The following ZNF536 variants were observed in gnomAD, a reference collection of about 807,000 sequenced individuals.
The protein encoded by ZNF536 is zinc finger protein 536.
A neutral mutation model predicts 84.5 loss-of-function variants in ZNF536; 13 were observed. That is an observed-to-expected ratio of 0.15 (90% CI 0.10 to 0.24). The LOEUF (loss-of-function observed/expected upper bound fraction) is 0.24. ZNF536 is among the 10% of genes least tolerant of loss of function. ZNF536 has a pLI of 1.00. For synonymous variants in ZNF536, 811 were observed against 742.5 expected (o/e 1.09, Z -1.50); for missense variants, 1,536 against 1,747.5 (o/e 0.88, Z 2.16).
chr19:30,448,304 C>T (rs562318917), intron 2 of ZNF536, among the ~76,000 whole-genome samples: 2 of 152,278 alleles, frequency 1.3e-5, no homozygotes, highest in Non-Finnish European at 2.9e-5. Context: ...GACTCTTAAC[C>T]AAATCTGGTT....
At chr19:30,468,232 A>C (rs2053494627) in intron 2 of ZNF536, among the ~76,000 whole-genome samples, 1 of 152,184 alleles carries the variant, frequency 6.6e-6, no homozygotes, top group East Asian at 1.9e-4. Flanking sequence ...TCCCCAACCC[A>C]GCCTAGGTTA....
chr19:30,354,072 C>T (rs1281933341), intron 3 of ZNF536, among the ~76,000 whole-genome samples: 1 of 152,206 alleles, frequency 6.6e-6, no homozygotes, highest in East Asian at 1.9e-4. Context: ...GAACTACCTG[C>T]CCAGGTGCCT....
intron 1 of ZNF536, among the ~76,000 whole-genome samples, chr19:30,694,227 A>G (rs1231678549): frequency 6.6e-6 from 1 of 152,240 alleles, no homozygotes; most frequent in Non-Finnish European, 1.5e-5. Context: ...TCCCACATTT[A>G]AGTTGTACAA....
intron 2 of ZNF536, among the ~76,000 whole-genome samples, chr19:30,315,649 A>G: frequency 6.6e-6 from 1 of 152,210 alleles, no homozygotes; most frequent in East Asian, 1.9e-4. Context: ...TAAGATTCAA[A>G]CAACACAGAT....
At chr19:30,379,451 G>A (rs935687264) in intron 1 of ZNF536, among the ~76,000 whole-genome samples, 1 of 152,006 alleles carries the variant, frequency 6.6e-6, no homozygotes. Context: ...ACCCCAGTGC[G>A]TCATGGGGGT....
intron 2 of ZNF536, among the ~76,000 whole-genome samples, chr19:30,288,915 C>T (rs564218397): frequency 7.2e-4 from 109 of 152,196 alleles, no homozygotes; most frequent in Non-Finnish European, 1.3e-3. Flanking sequence ...GGCTTTTCCT[C>T]TCAGTCTCAT....
intron 2 of ZNF536, among the ~76,000 whole-genome samples, chr19:30,519,379 G>A (rs1459223256): frequency 1.3e-5 from 2 of 152,210 alleles, no homozygotes; most frequent in Non-Finnish European, 2.9e-5. Context: ...GGTGAGGCTG[G>A]GAAGACCAAG....
At chr19:30,311,110 C>T (rs2046488603) in intron 2 of ZNF536, among the ~76,000 whole-genome samples, 1 of 152,178 alleles carries the variant, frequency 6.6e-6, no homozygotes, top group Admixed American at 6.5e-5. Context: ...AGAGTGACCA[C>T]TGGCGCTGCT....
intron 2 of ZNF536, among the ~76,000 whole-genome samples, chr19:30,451,217 G>A (rs950965902): frequency 6.6e-6 from 1 of 152,236 alleles, no homozygotes; most frequent in Non-Finnish European, 1.5e-5. Context: ...CCACCTTTCC[G>A]CTGGGGCCCA....
intron 1 of ZNF536, among the ~76,000 whole-genome samples, chr19:30,602,208 AC>A (rs1344088470): frequency 4.6e-5 from 7 of 152,240 alleles, no homozygotes; most frequent in African/African-American, 1.7e-4. Context: ...ATGTGATGGA[AC>A]ATCTGCTCAT....
intron 2 of ZNF536, among the ~76,000 whole-genome samples, chr19:30,323,870 C>A (rs893294657): frequency 6.6e-6 from 1 of 152,178 alleles, no homozygotes; most frequent in African/African-American, 2.4e-5. Flanking sequence ...TCTGCTCAAC[C>A]ACTCCTGTCT....
At chr19:30,646,527 C>T (rs12974562) in intron 1 of ZNF536, among the ~76,000 whole-genome samples, 49,525 of 152,052 alleles carry the variant, frequency 0.33, 8,188 homozygotes, top group Non-Finnish European at 0.35. Flanking sequence ...ATGAAGCCAT[C>T]GGTGTGTACG....
chr19:30,447,556 T>C (rs1281772954), intron 2 of ZNF536, among the ~76,000 whole-genome samples: 1 of 152,118 alleles, frequency 6.6e-6, no homozygotes, highest in African/African-American at 2.4e-5. Context: ...GCAGCATGAG[T>C]GCCAAGGAGG....
chr19:30,443,439 A>G, intron 1 of ZNF536, 122 bp from the exon 2 acceptor site: 1 of 1,347,052 alleles, frequency 7.4e-7, no homozygotes, highest in Non-Finnish European at 9.7e-7. Context: ...TTTGACAAGA[A>G]TTCCTTAGCA....
chr19:30,386,913 G>A (rs1297756709), intron 1 of ZNF536, among the ~76,000 whole-genome samples: 1 of 152,230 alleles, frequency 6.6e-6, no homozygotes, highest in African/African-American at 2.4e-5. Flanking sequence ...CGCCGGCATG[G>A]ACAGCAGGGG....
At chr19:30,394,874 G>A (rs904325612) in intron 1 of ZNF536, among the ~76,000 whole-genome samples, 4 of 152,160 alleles carry the variant, frequency 2.6e-5, no homozygotes, top group African/African-American at 9.7e-5. Context: ...AAAGCAGTGG[G>A]TAAGCCATCA....
At chr19:30,708,251 G>A (rs1368252695) in intron 1 of ZNF536, among the ~76,000 whole-genome samples, 2 of 152,164 alleles carry the variant, frequency 1.3e-5, no homozygotes, top group Non-Finnish European at 2.9e-5. Flanking sequence ...ATAGAGAAGT[G>A]GGTTTGAGCC....
chr19:30,418,830 T>C (rs1192802665), intron 1 of ZNF536, among the ~76,000 whole-genome samples: 1 of 152,242 alleles, frequency 6.6e-6, no homozygotes, highest in Non-Finnish European at 1.5e-5. Context: ...TAAACTCTTA[T>C]TTACATAATT....
At chr19:30,476,352 G>T (rs1283953587) in intron 2 of ZNF536, among the ~76,000 whole-genome samples, 1 of 152,218 alleles carries the variant, frequency 6.6e-6, no homozygotes, top group African/African-American at 2.4e-5. Flanking sequence ...AAATTTAGGG[G>T]ATCCTGGTCT....
Sources: allele counts gnomAD v4.1 joint callset (sites outside exome capture counted in the v4.1 genomes callset), GRCh38; gene constraint gnomAD v4.1.1; transcripts MANE v1.5; gene names NCBI Gene and HGNC (gene_info 2026-07-23, HGNC 2026-07-21).